Variants in RFTN1 observed in about 807,000 individuals in gnomAD.
RFTN1 encodes the protein raftlin.
In RFTN1, 26 loss-of-function variants were observed where a neutral mutation model predicts 46.5. That is an observed-to-expected ratio of 0.56 (90% confidence interval 0.41 to 0.78). RFTN1 has a LOEUF of 0.78. Ranked by LOEUF, RFTN1 falls within the 30% of genes least tolerant of loss-of-function variation. The pLI, the probability that RFTN1 is intolerant of heterozygous loss-of-function variation, is 0.00. For missense variants in RFTN1, 693 were observed against 718.7 expected (o/e 0.96, Z 0.41); for synonymous variants, 261 against 284.2 (o/e 0.92, Z 0.82).
rs906343399 is a variant in RFTN1 at position 16,338,347 on chromosome 3, G to A, written c.1147-11471C>T. Among the ~76,000 whole-genome samples the A allele has an allele frequency of 6.6e-6, 1 of 152,224 alleles. No individual in the cohort carries two copies. Among genetic ancestry groups the A allele is most frequent in the Non-Finnish European group, 1.5e-5 (1 of 68,038 alleles). Reference sequence around the variant, plus strand: ...GAGGCCGGACATGCGGCGGCTAAGGGGCGATGGCTGGGGCCAACTCTGACC... The same window carrying A: ...GAGGCCGGACATGCGGCGGCTAAGGAGCGATGGCTGGGGCCAACTCTGACC... On this transcript the variant is annotated intron_variant, in intron 7 of 9. Coordinates refer to ENST00000334133, the MANE Select transcript of RFTN1 (RefSeq NM_015150.2). The surrounding 1 kb of genome is among the most constrained non-coding windows in gnomAD (Gnocchi z 5.3).
rs1029445002 is a variant in RFTN1 at position 16,326,636 on chromosome 3, C to T, written c.1250+137G>A. Reference sequence around the variant, plus strand: ...ATGTGAAATTCTGGCTCTGCTGCTTCCCAGTGGGAGAGTTTACATAACTAC... The same window carrying T: ...ATGTGAAATTCTGGCTCTGCTGCTTTCCAGTGGGAGAGTTTACATAACTAC... On this transcript the variant is annotated intron_variant, in intron 8 of 9. Coordinates refer to ENST00000334133, the MANE Select transcript of RFTN1 (RefSeq NM_015150.2). 11 of 655,486 alleles carry T rather than the reference C, an allele frequency of 1.7e-5. No homozygotes were observed. The Admixed American group carries it at 2.9e-4, about 17-fold the overall frequency. 40.6% of individuals were successfully genotyped at this position (655,486 alleles called of 1,614,324 possible).
intron 1 of RFTN1, among the ~76,000 whole-genome samples, chr3:16,510,979 A>G (rs777752975): frequency 4.6e-5 from 7 of 152,256 alleles, no homozygotes; most frequent in Non-Finnish European, 1.0e-4. Context: ...AAAAAAGACC[A>G]AATCATGGAT....
chr3:16,396,025 CTTG>C (rs1020146201), intron 4 of RFTN1, among the ~76,000 whole-genome samples: 2 of 152,134 alleles, frequency 1.3e-5, no homozygotes, highest in Admixed American at 1.3e-4. Flanking sequence ...TAATTTCACT[CTTG>C]TTTTTACTTA....
At chr3:16,490,643 T>C (rs1355685434) in intron 2 of RFTN1, among the ~76,000 whole-genome samples, 1 of 152,222 alleles carries the variant, frequency 6.6e-6, no homozygotes, top group African/African-American at 2.4e-5. Flanking sequence ...CATCCCTCAA[T>C]TCAGTAATTC....
In RFTN1 at chr3:16,320,347, C is replaced by T. The variant is rs889149166; in HGVS notation, c.1332+3029G>A. Among the ~76,000 whole-genome samples, 1 of 152,192 alleles carries T rather than the reference C, an allele frequency of 6.6e-6. No individual in the cohort carries two copies. The highest frequency in any genetic ancestry group is 2.4e-5 in the African/African-American group (1 of 41,436). ...GCTGATTAAAAGAAGACTAAATATG[C>T]CACATCCTCGGTGTGCCAATCTTGC... On this transcript the variant is annotated intron_variant, in intron 9 of 9. Transcript: ENST00000334133. The surrounding 1 kb of genome is among the most constrained non-coding windows in gnomAD (Gnocchi z 4.5).
Position 16,504,910 on chromosome 3 carries a change from C to T in RFTN1, c.-9+8532G>A, listed in dbSNP as rs1214405988. On this transcript the variant is annotated intron_variant, in intron 1 of 9. Transcript: ENST00000334133. This position sits in a 1 kb window ranked among gnomAD's most constrained non-coding sequence, Gnocchi z 4.4. ...AGCTTGCTCTTCCTCCTGCATTTCT[C>T]GTCTCTGGGTGGTACCACTGCCCTC... Among the ~76,000 whole-genome samples, 2 of 152,180 alleles carry T rather than the reference C, an allele frequency of 1.3e-5. No individual in the cohort carries two copies. The highest frequency in any genetic ancestry group is 2.9e-5 in the Non-Finnish European group (2 of 68,024).
chr3:16,506,555 G>T lies in RFTN1; in HGVS notation c.-9+6887C>A, dbSNP rs545084335. ...GATTGACTGATGATTTGGAAAAAGGGGATGAGCAAAAGAGGGCATCCAAGA... is the reference window on the plus strand; with the variant it reads ...GATTGACTGATGATTTGGAAAAAGGTGATGAGCAAAAGAGGGCATCCAAGA... On this transcript the variant is annotated intron_variant, in intron 1 of 9. Coordinates refer to ENST00000334133, the MANE Select transcript of RFTN1 (RefSeq NM_015150.2). The surrounding 1 kb of genome is among the most constrained non-coding windows in gnomAD (Gnocchi z 4.8). 6.6e-6 allele frequency among the ~76,000 whole-genome samples: 1 copy of T among 152,158 alleles called. No individual in the cohort carries two copies. Among genetic ancestry groups the T allele is most frequent in the African/African-American group, 2.4e-5 (1 of 41,514 alleles).
At chr3:16,326,582 G>A (rs1046598181) in intron 8 of RFTN1, among the ~76,000 whole-genome samples, 191 bp downstream of exon 8, 1 of 152,194 alleles carries the variant, frequency 6.6e-6, no homozygotes, top group Non-Finnish European at 1.5e-5. Flanking sequence ...AGGGGTGCAG[G>A]GGAGTTCTCT....
intron 7 of RFTN1, among the ~76,000 whole-genome samples, chr3:16,350,813 G>T (rs1174172436): frequency 2.0e-5 from 3 of 152,184 alleles, no homozygotes; most frequent in Admixed American, 1.3e-4. Flanking sequence ...TGGCACTAAA[G>T]ACTATGATCT....
intron 4 of RFTN1, among the ~76,000 whole-genome samples, chr3:16,399,306 A>C (rs1041879864): frequency 1.3e-5 from 2 of 152,220 alleles, no homozygotes; most frequent in Admixed American, 6.5e-5. Flanking sequence ...CTATCCTAGG[A>C]CTAAGGCAAA....
At chr3:16,456,546 C>T (rs2075908717) in intron 2 of RFTN1, among the ~76,000 whole-genome samples, 1 of 152,118 alleles carries the variant, frequency 6.6e-6, no homozygotes, top group Non-Finnish European at 1.5e-5. Context: ...GTAATAAACA[C>T]CCTCCGCTGA....
chr3:16,507,696 CACACATACAT>C lies in RFTN1; in HGVS notation c.-9+5736_-9+5745del, dbSNP rs1212080491. 3.3e-5 allele frequency among the ~76,000 whole-genome samples: 5 copies of C among 151,450 alleles called. No homozygotes were observed. Among genetic ancestry groups the C allele is most frequent in the Non-Finnish European group, 5.9e-5 (4 of 67,872 alleles). ...CAATGCACATAAACACACACATACA[CACACATACAT>C]ACACATACACACATACACACAAACA... On this transcript the variant is annotated intron_variant, in intron 1 of 9. Transcript: ENST00000334133. The surrounding 1 kb of genome is among the most constrained non-coding windows in gnomAD (Gnocchi z 7.1).
chr3:16,451,149 T>C lies in RFTN1; in HGVS notation c.146-17112A>G, dbSNP rs995234802. Among the ~76,000 whole-genome samples, 9 of 152,020 alleles carry C rather than the reference T, an allele frequency of 5.9e-5. No homozygotes were observed. Among genetic ancestry groups the C allele is most frequent in the Admixed American group, 1.3e-4 (2 of 15,266 alleles). On this transcript the variant is annotated intron_variant, in intron 2 of 9. Coordinates refer to ENST00000334133, the MANE Select transcript of RFTN1 (RefSeq NM_015150.2). The surrounding 1 kb of genome is among the most constrained non-coding windows in gnomAD (Gnocchi z 4.2). The stretch of plus-strand genomic sequence containing the variant: ...CAGCCAAGAATTACCAAACTCTCAA[T>C]AGTTAGTGGCTGAGCGCAGATGGGC...
chr3:16,411,467 G>T (rs2074979213), intron 3 of RFTN1, among the ~76,000 whole-genome samples: 1 of 152,140 alleles, frequency 6.6e-6, no homozygotes, highest in Non-Finnish European at 1.5e-5. Context: ...CCTTCCAAGG[G>T]TAGGGTACTG....
rs1452481060 is a variant in RFTN1 at position 16,400,473 on chromosome 3, G to A, written c.441+8902C>T. Among the ~76,000 whole-genome samples, 1 of 152,224 alleles carries A rather than the reference G, an allele frequency of 6.6e-6. No homozygotes were observed. Among genetic ancestry groups the A allele is most frequent in the Non-Finnish European group, 1.5e-5 (1 of 68,044 alleles). ...TCATGTGCCCATCTGCTCTGTGTCT[G>A]TGCCCTCAGCTAGACTCTAAGTTTC... On this transcript the variant is annotated intron_variant, in intron 4 of 9. Coordinates refer to ENST00000334133, the MANE Select transcript of RFTN1 (RefSeq NM_015150.2). The surrounding 1 kb of genome is among the most constrained non-coding windows in gnomAD (Gnocchi z 4.5).
At chr3:16,409,530 T>C in intron 3 of RFTN1, 47 bp from the exon 4 acceptor site, 6 of 1,339,886 alleles carry the variant, frequency 4.5e-6, no homozygotes, top group Middle Eastern at 1.9e-4. Context: ...ATATCTTGCA[T>C]AATTTGGAGA....
chr3:16,358,140 T>C (rs1040538469), intron 6 of RFTN1, 93 bp from the exon 7 acceptor site: 1 of 723,326 alleles, frequency 1.4e-6, no homozygotes. Context: ...CTGCATTCAT[T>C]AATAATCCCA....
rs747734707 is a variant in RFTN1 at position 16,405,788 on chromosome 3, ACCTGT to A, written c.441+3582_441+3586del. ...TTCTAATATGCAGAGAAGAATATGA[ACCTGT>A]CCTGCATGATGGTACTATGACAAAA... is the stretch of plus-strand genomic sequence containing the variant. On this transcript the variant is annotated intron_variant, in intron 4 of 9. Transcript: ENST00000334133. 1.8e-3 allele frequency among the ~76,000 whole-genome samples: 276 copies of A among 152,258 alleles called. 1 individual carries two copies. Among genetic ancestry groups the A allele is most frequent in the Middle Eastern group, 3.4e-3 (1 of 294 alleles).
intron 1 of RFTN1, among the ~76,000 whole-genome samples, chr3:16,494,679 T>G (rs116463932): frequency 6.6e-6 from 1 of 152,328 alleles, no homozygotes; most frequent in African/African-American, 2.4e-5. Flanking sequence ...CAATCTTCCA[T>G]GGGATTAAAA....
Sources: allele counts gnomAD v4.1 joint callset (sites outside exome capture counted in the v4.1 genomes callset), GRCh38; gene constraint gnomAD v4.1.1; non-coding constraint Gnocchi (gnomAD v3.1); transcripts MANE v1.5; gene names NCBI Gene and HGNC (gene_info 2026-07-23, HGNC 2026-07-21).